PPARD: variants seen among roughly 807,000 people sequenced by gnomAD.
PPARD encodes peroxisome proliferator activated receptor delta, also known as peroxisome proliferator-activated receptor delta.
Under a neutral mutation model 39.5 loss-of-function variants are expected in PPARD, and 6 were observed. That is an observed-to-expected ratio of 0.15 (90% CI 0.08 to 0.30). The LOEUF is 0.30. Among genes scored for constraint, PPARD ranks in the 10% least tolerant of loss-of-function variants. The pLI, the probability that PPARD is intolerant of heterozygous loss-of-function variation, is 1.00. For missense variants in PPARD, 397 were observed against 596.8 expected, an observed-to-expected ratio of 0.67 and a Z score of 3.49; for synonymous variants, 210 against 231.3, an observed-to-expected ratio of 0.91 and a Z score of 0.83.
rs900204542 is a variant in PPARD at position 35,378,333 on chromosome 6, G to A, written c.-102+31183G>A. ...AGAGGCAAGTGCTGGGAGTGGTATG[G>A]GACGCAGAGGCAGGGAATGACAGCA... On this transcript the variant is annotated intron_variant, in intron 2 of 7. Coordinates refer to ENST00000360694, the MANE Select transcript of PPARD (RefSeq NM_006238.5). Among the ~76,000 whole-genome samples the A allele has an allele frequency of 3.9e-5, 6 of 152,164 alleles. 1 individual carries two copies. Among genetic ancestry groups the A allele is most frequent in the Admixed American group, 3.9e-4 (6 of 15,280 alleles).
intron 2 of PPARD, among the ~76,000 whole-genome samples, chr6:35,408,041 C>A (rs759569935): frequency 6.6e-6 from 1 of 152,144 alleles, no homozygotes; most frequent in African/African-American, 2.4e-5. Context: ...GTCTGGAGGC[C>A]GGCATTGCAG....
At position 35,385,646 on chromosome 6, in the gene PPARD, T is replaced by TA. The variant is rs66948740; in HGVS notation, c.-101-25320dup. Among the ~76,000 whole-genome samples the TA allele has an allele frequency of 7.8e-3, 750 of 96,530 alleles. 7 individuals carry two copies. Among genetic ancestry groups the TA allele is most frequent in the African/African-American group, 0.043 (616 of 14,476 alleles). The allele number at this position is 96,530 out of a possible 152,430, so 63.3% of individuals were successfully genotyped here. ...ATTATCAATAAAAAATAAATAAATT[T>TA]AAAAAAAAAAAAAAAAAAAAACAAA... is the stretch of plus-strand genomic sequence containing the variant. On this transcript the variant is annotated intron_variant, in intron 2 of 7. Transcript: ENST00000360694.
In PPARD at chr6:35,379,286, T is replaced by G. The variant is rs1762999127; in HGVS notation, c.-101-31701T>G. ...GCTCGGCTAATTTTTGTATTTTTAGTAGAGATGGGGTTTTACCATGTTGCC... is the reference window on the plus strand; with the variant it reads ...GCTCGGCTAATTTTTGTATTTTTAGGAGAGATGGGGTTTTACCATGTTGCC... On this transcript the variant is annotated intron_variant, in intron 2 of 7. Coordinates refer to ENST00000360694, the MANE Select transcript of PPARD (RefSeq NM_006238.5). 3.3e-5 allele frequency among the ~76,000 whole-genome samples: 5 copies of G among 152,056 alleles called. No individual in the cohort carries two copies. The South Asian group carries it at 1.0e-3, about 32-fold the overall frequency.
chr6:35,387,618 G>A (rs1763748431), intron 2 of PPARD, among the ~76,000 whole-genome samples: 1 of 151,644 alleles, frequency 6.6e-6, no homozygotes, highest in Non-Finnish European at 1.5e-5. Flanking sequence ...GTGGCAGTGG[G>A]GAGCACACTA....
rs1420264718 is a variant in PPARD at position 35,349,891 on chromosome 6, G to A, written c.-102+2741G>A. ...CAAGTAGCTCAGATTACAGGCGCCC[G>A]CCACCACGCCCAGCTAATTTTTGTA... On this transcript the variant is annotated intron_variant, in intron 2 of 7. Transcript: ENST00000360694. 1.3e-5 allele frequency among the ~76,000 whole-genome samples: 2 copies of A among 151,796 alleles called. 1 individual carries two copies. Among genetic ancestry groups the A allele is most frequent in the South Asian group, 4.2e-4 (2 of 4,810 alleles).
chr6:35,420,265 C>T lies in PPARD; in HGVS notation c.269C>T (p.Ala90Val), dbSNP rs758778103. The change falls in exon 4 of 8, where the codon GCA becomes GTA. Residue 90 changes from alanine to valine, a missense_variant. Ala to Val is a moderately conservative substitution (Grantham distance 64, BLOSUM62 0). Transcript: ENST00000360694. Reference sequence around the variant, plus strand: ...TCGGGCTTCCACTACGGTGTTCATGCATGTGAGGGGTGCAAGGTACGGACT... The same window carrying T: ...TCGGGCTTCCACTACGGTGTTCATGTATGTGAGGGGTGCAAGGTACGGACT... ...KASGFHYGVH[A>V]CEGCKGFFRR... The T allele has an allele frequency of 1.3e-6, 2 of 1,583,870 alleles. No individual in the cohort carries two copies. Among genetic ancestry groups the T allele is most frequent in the Admixed American group, 1.7e-5 (1 of 57,438 alleles).
intron 2 of PPARD, among the ~76,000 whole-genome samples, chr6:35,377,884 A>ATTTTTTTTTTTTTTTTTTTTTT: frequency 1.1e-5 from 1 of 90,974 alleles, no homozygotes; most frequent in African/African-American, 1.8e-4. Flanking sequence ...TTTTTTTTTG[A>ATTTTTTTTTTTTTTTTTTTTTT]GACAGAGTGT....
rs1762212832 is a variant in PPARD at position 35,366,462 on chromosome 6, G to A, written c.-102+19312G>A. Among the ~76,000 whole-genome samples, 1 of 151,658 alleles carries A rather than the reference G, an allele frequency of 6.6e-6. No homozygotes were observed. The highest frequency in any genetic ancestry group is 2.4e-5 in the African/African-American group (1 of 40,960). On this transcript the variant is annotated intron_variant, in intron 2 of 7. Transcript: ENST00000360694. The surrounding 1 kb of genome is among the most constrained non-coding windows in gnomAD (Gnocchi z 4.6). ...ATCTGATAGCATTTATGCTAGAGGG[G>A]TCAAAATGGAGAGAGATACACAGGC...
chr6:35,425,487 A>C lies in PPARD; in HGVS notation c.1079-345A>C. The C allele has an allele frequency of 9.5e-7, 1 of 1,053,386 alleles. No homozygotes were observed. The allele number at this position is 1,053,386 out of a possible 1,614,324, so 65.3% of individuals were successfully genotyped here. On this transcript the variant is annotated intron_variant, in intron 7 of 7. Coordinates refer to ENST00000360694, the MANE Select transcript of PPARD (RefSeq NM_006238.5). The surrounding 1 kb of genome is among the most constrained non-coding windows in gnomAD (Gnocchi z 4.5). ...ATCCTCACAACAACCCTGTGCAGGAAGAATGTTTTGTGTCTCCATTTTACA... is the reference window on the plus strand; with the variant it reads ...ATCCTCACAACAACCCTGTGCAGGACGAATGTTTTGTGTCTCCATTTTACA...
At chr6:35,393,893 C>T (rs1026948692) in intron 2 of PPARD, among the ~76,000 whole-genome samples, 13 of 152,280 alleles carry the variant, frequency 8.5e-5, no homozygotes, top group African/African-American at 3.1e-4. Flanking sequence ...GAGAACAAGA[C>T]TAAACATTTC....
chr6:35,374,921 C>G (rs1699117534), intron 2 of PPARD, among the ~76,000 whole-genome samples: 1 of 152,112 alleles, frequency 6.6e-6, no homozygotes, highest in Admixed American at 6.5e-5. Flanking sequence ...TAATCAGCCA[C>G]CAAGTCTTGT....
rs950522743 is a variant in PPARD, at chr6:35,349,388, T to C, written c.-102+2238T>C. Among the ~76,000 whole-genome samples the C allele has an allele frequency of 4.7e-4, 71 of 152,220 alleles. 1 individual carries two copies. Among genetic ancestry groups the C allele is most frequent in the African/African-American group, 1.6e-3 (67 of 41,454 alleles). On this transcript the variant is annotated intron_variant, in intron 2 of 7. Transcript: ENST00000360694. The stretch of plus-strand genomic sequence containing the variant: ...AGGACCAGGGGTGTGTCCAATCTTT[T>C]GGCATCCCTGGGCCACATTGGAAGA...
rs1581683794 is a variant in PPARD at position 35,426,741 on chromosome 6, C to G, written c.*662C>G. ...CCAGGCTGAGAGCCAGATGCCTCCC[C>G]AAGACTGTCATTGCCCCTCCGATGC... On this transcript the variant is annotated 3_prime_UTR_variant, in exon 8 of 8. Coordinates refer to ENST00000360694, the MANE Select transcript of PPARD (RefSeq NM_006238.5). 1 of 153,420 alleles carries G rather than the reference C, an allele frequency of 6.5e-6. No homozygotes were observed. Among genetic ancestry groups the G allele is most frequent in the Non-Finnish European group, 1.5e-5 (1 of 68,786 alleles). The allele number at this position is 153,420 out of a possible 1,614,324, so 9.5% of individuals were successfully genotyped here.
chr6:35,390,555 C>T (rs1174242131), intron 2 of PPARD, among the ~76,000 whole-genome samples: 1 of 152,028 alleles, frequency 6.6e-6, no homozygotes, highest in African/African-American at 2.4e-5. Context: ...CCCTGGAATG[C>T]CCAAAATCAT....
intron 2 of PPARD, chr6:35,397,573 T>C (rs1764422051): frequency 2.0e-6 from 2 of 984,678 alleles, no homozygotes; most frequent in Non-Finnish European, 2.4e-6. Flanking sequence ...GGAGCAGTGA[T>C]CTCTACAGGA....
At chr6:35,349,791 G>A (rs771081550) in intron 2 of PPARD, among the ~76,000 whole-genome samples, 1 of 151,776 alleles carries the variant, frequency 6.6e-6, no homozygotes, top group Admixed American at 6.6e-5. Flanking sequence ...ACCCAGGCTG[G>A]AGAGCAATGG....
intron 3 of PPARD, among the ~76,000 whole-genome samples, chr6:35,416,107 C>T (rs1487344884): frequency 6.6e-6 from 1 of 152,000 alleles, no homozygotes; most frequent in Non-Finnish European, 1.5e-5. Context: ...AGTGGCCGGG[C>T]ACAGTGGCTC....
chr6:35,402,923 G>A (rs1272421044), intron 2 of PPARD, among the ~76,000 whole-genome samples: 1 of 152,226 alleles, frequency 6.6e-6, no homozygotes, highest in East Asian at 1.9e-4. Flanking sequence ...CTGCCACGGA[G>A]ACGGGGCAAC....
rs201663564 is a variant in PPARD, at chr6:35,390,673, T to TA, written c.-101-20304dup. Among the ~76,000 whole-genome samples the TA allele has an allele frequency of 2.1e-3, 312 of 145,720 alleles. 4 individuals carry two copies. The highest frequency in any genetic ancestry group is 7.3e-3 in the East Asian group (37 of 5,054). On this transcript the variant is annotated intron_variant, in intron 2 of 7. Coordinates refer to ENST00000360694, the MANE Select transcript of PPARD (RefSeq NM_006238.5). Reference sequence around the variant, plus strand: ...TGATAAAATTTCAGAGGTGTTTCTGTAAAAAAAAAAGAAAGAAAAGAAAAA... The same window carrying TA: ...TGATAAAATTTCAGAGGTGTTTCTGTAAAAAAAAAAAGAAAGAAAAGAAAAA...
Sources: gnomAD v4.1 joint callset for allele counts (sites outside exome capture counted in the v4.1 genomes callset) on GRCh38, gnomAD v4.1.1 for gene constraint, Gnocchi (gnomAD v3.1) non-coding constraint, MANE v1.5 for transcripts, NCBI Gene and HGNC (gene_info 2026-07-23, HGNC 2026-07-21) for gene names.